Variants in TMBIM1 observed in about 807,000 individuals in gnomAD.
TMBIM1 encodes transmembrane BAX inhibitor motif containing 1, also known as protein lifeguard 3.
Under a neutral mutation model 45.1 loss-of-function variants are expected in TMBIM1, and 34 were observed. The observed-to-expected ratio is 0.75, with a 90% confidence interval of 0.57 to 1.00. The LOEUF is 1.00. TMBIM1 is among the 50% of genes least tolerant of loss of function. The pLI, the probability that TMBIM1 is intolerant of heterozygous loss-of-function variation, is 0.00. For missense variants in TMBIM1, 374 were observed against 402.4 expected, an observed-to-expected ratio of 0.93 and a Z score of 0.60; for synonymous variants, 157 against 153.5, an observed-to-expected ratio of 1.02 and a Z score of -0.17.
intron 1 of TMBIM1, among the ~76,000 whole-genome samples, chr2:218,288,483 G>A (rs1692705379): frequency 6.6e-6 from 1 of 152,166 alleles, no homozygotes; most frequent in African/African-American, 2.4e-5. Context: ...TAGAGTAGTT[G>A]AACCACTTCC....
At chr2:218,276,004 C>T (rs1483693902) in intron 11 of TMBIM1, 22 bp downstream of exon 11, 1 of 1,607,100 alleles carries the variant, frequency 6.2e-7, no homozygotes. Context: ...GCTCCCCTTC[C>T]TAGAGTGGGG....
intron 1 of TMBIM1, chr2:218,286,933 G>A (rs758146150): frequency 2.0e-5 from 3 of 152,190 alleles, no homozygotes; most frequent in African/African-American, 4.8e-5. Context: ...CAGATCTGAC[G>A]ATTTGTTCCC....
chr2:218,286,568 C>T (rs1216793946), intron 1 of TMBIM1: 1 of 152,258 alleles, frequency 6.6e-6, no homozygotes, highest in Non-Finnish European at 1.5e-5. Flanking sequence ...AGTGGGTGAG[C>T]TCAGACAGCA....
At chr2:218,275,686 A>G (rs1440127025) in intron 11 of TMBIM1, 65 bp from the exon 12 acceptor site, 5 of 1,564,030 alleles carry the variant, frequency 3.2e-6, no homozygotes, top group Non-Finnish European at 4.3e-6. Flanking sequence ...ATTTTTGGTC[A>G]GCAGATTTGT....
chr2:218,292,263 C>A (rs1375372225), intron 1 of TMBIM1, among the ~76,000 whole-genome samples: 1 of 152,238 alleles, frequency 6.6e-6, no homozygotes, highest in African/African-American at 2.4e-5. Flanking sequence ...CCCGGCCGCC[C>A]ACCCGCGCGC....
In TMBIM1 at chr2:218,279,121, A is replaced by T. The variant is rs199611204; in HGVS notation, c.369-30T>A. 106 of 1,613,434 alleles carry T rather than the reference A, an allele frequency of 6.6e-5. No individual in the cohort carries two copies. The African/African-American group carries it at 1.2e-3, about 18-fold the overall frequency. On this transcript the variant is annotated intron_variant, in intron 4 of 11. Coordinates refer to ENST00000258412, the MANE Select transcript of TMBIM1 (RefSeq NM_022152.6). Reference sequence around the variant, plus strand: ...GGGGCACAGGAGGACAGGAGTAGTCACCCTGAGGCTTGTCTGCCCCACCCA... The same window carrying T: ...GGGGCACAGGAGGACAGGAGTAGTCTCCCTGAGGCTTGTCTGCCCCACCCA...
At chr2:218,281,004 G>A (rs1018866847) in intron 2 of TMBIM1, 1 of 150,688 alleles carries the variant, frequency 6.6e-6, no homozygotes, top group East Asian at 1.9e-4. Flanking sequence ...GTAGAGACAG[G>A]GTTTCACCAT....
At chr2:218,277,701 A>C in intron 7 of TMBIM1, 31 bp from the exon 8 acceptor site, 1 of 1,613,892 alleles carries the variant, frequency 6.2e-7, no homozygotes, top group Non-Finnish European at 8.5e-7. Flanking sequence ...AGAATGAAAC[A>C]CTTAAAAAGG....
At chr2:218,276,145 G>T (rs1203901682) in intron 10 of TMBIM1, 66 bp from the exon 11 acceptor site, 4 of 1,553,216 alleles carry the variant, frequency 2.6e-6, no homozygotes, top group Non-Finnish European at 3.5e-6. Flanking sequence ...ACAGGCCCCA[G>T]CTTCCCCCGG....
chr2:218,274,313 TC>T lies in TMBIM1; in HGVS notation c.*1161del, dbSNP rs1690999339. The T allele has an allele frequency of 6.4e-6, 1 of 155,086 alleles. No individual in the cohort carries two copies. The highest frequency in any genetic ancestry group is 5.2e-4 in the Middle Eastern group (1 of 1,926). 9.6% of individuals were successfully genotyped at this position (155,086 alleles called of 1,614,324 possible). A position where few individuals can be genotyped will look rare whatever the true frequency, so the allele number is the denominator to read the frequency against. ...ACTATATCCTTGGGCTGATTTGATTTCTGCCCCCACCCGACAGACTGACCCT... is the reference window on the plus strand; with the variant it reads ...ACTATATCCTTGGGCTGATTTGATTTTGCCCCCACCCGACAGACTGACCCT... On this transcript the variant is annotated 3_prime_UTR_variant, in exon 12 of 12. Transcript: ENST00000258412.
At position 218,277,352 on chromosome 2, in the gene TMBIM1, C is replaced by G. The variant is rs1691326822; in HGVS notation, c.639+14G>C. The G allele has an allele frequency of 6.2e-7, 1 of 1,611,612 alleles. No individual in the cohort carries two copies. Among genetic ancestry groups the G allele is most frequent in the South Asian group, 1.1e-5 (1 of 91,052 alleles). ...GGAGTCGGGGGGCCAGGGAAGGGCC[C>G]TCCATGCCCTCACCTTGGTCTGAAA... On this transcript the variant is annotated intron_variant, in intron 9 of 11. Transcript: ENST00000258412.
intron 2 of TMBIM1, chr2:218,280,549 CAG>C: frequency 4.1e-6 from 1 of 241,732 alleles, no homozygotes; most frequent in Non-Finnish European, 8.3e-6. Flanking sequence ...GAGGTGAAGA[CAG>C]GGATCTGCAT....
In TMBIM1 at chr2:218,282,747, G is replaced by A. The variant is rs371398209; in HGVS notation, c.-40-566C>T. Among the ~76,000 whole-genome samples the A allele has an allele frequency of 2.0e-4, 30 of 152,322 alleles. No homozygotes were observed. The East Asian group carries it at 3.1e-3, about 16-fold the overall frequency. ...CCCAGTGCCAGAGCTGCCAGGCCCC[G>A]AGGAGGAAGGGATCCAGGGACCCGG... On this transcript the variant is annotated intron_variant, in intron 1 of 11. Transcript: ENST00000258412.
chr2:218,277,951 A>G lies in TMBIM1; in HGVS notation c.497T>C (p.Ile166Thr). The G allele has an allele frequency of 6.2e-7, 1 of 1,614,224 alleles. No homozygotes were observed. The highest frequency in any genetic ancestry group is 1.1e-5 in the South Asian group (1 of 91,074). Residue 166 changes from isoleucine to threonine, a missense_variant, in exon 7 of 12, where the codon ATT becomes ACT. Ile to Thr is a moderately conservative substitution (Grantham distance 89). Coordinates refer to ENST00000258412, the MANE Select transcript of TMBIM1 (RefSeq NM_022152.6). ...TAGACTTACAAAAAGGGTCAGCAGA[A>G]TGATGTTCCATGGGAAACGGCGTCT... is the stretch of plus-strand genomic sequence containing the variant. ...GPRRRFPWNI[I>T]LLTLFTFAMG...
Position 218,279,346 on chromosome 2 carries a change from G to T in TMBIM1, c.311C>A (p.Ser104Tyr). 6.3e-7 allele frequency: 1 copy of T among 1,578,990 alleles called. No homozygotes were observed. Among genetic ancestry groups the T allele is most frequent in the Non-Finnish European group, 8.6e-7 (1 of 1,163,062 alleles). Reference protein sequence around the residue: ...VRHTFIRKVYSIISVQLLITV... With the variant: ...VRHTFIRKVYYIISVQLLITV... ...GATGAGCAGCTGCACGGAGATGATG[G>T]AGTAAACCTGGACACAGACGGCCGG... is the stretch of plus-strand genomic sequence containing the variant. The change falls in exon 4 of 12, where the codon TCC becomes TAC. Residue 104 changes from serine to tyrosine, a missense_variant. Physicochemically the swap from Ser to Tyr is moderately radical, Grantham distance 144. Transcript: ENST00000258412.
chr2:218,277,398 T>C lies in TMBIM1; in HGVS notation c.607A>G (p.Ile203Val). The C allele has an allele frequency of 1.9e-6, 3 of 1,614,084 alleles. 1 individual carries two copies. The highest frequency in any genetic ancestry group is 2.2e-5 in the South Asian group (2 of 91,086). Residue 203 changes from isoleucine (I) to valine (V), a missense_variant, in exon 9 of 12, where the codon ATT becomes GTT. Physicochemically the swap from Ile to Val is conservative, Grantham distance 29. Transcript: ENST00000258412. ...TGAAAGCAGAAGATGGTGACTGAAA[T>C]GGATACCACCGCAGTGATGATCATT... ...IAMIITAVVS[I>V]SVTIFCFQTK...
rs1243600286 is a variant in TMBIM1, at chr2:218,275,345, A to G, written c.*130T>C. On this transcript the variant is annotated 3_prime_UTR_variant, in exon 12 of 12. Transcript: ENST00000258412. The stretch of plus-strand genomic sequence containing the variant: ...GCCAGAGAGGCCACCTGTCTCCAGG[A>G]CAGAAAGGAAACTGGGCATGTTACT... 3.8e-6 allele frequency: 5 copies of G among 1,300,928 alleles called. No homozygotes were observed. The highest frequency in any genetic ancestry group is 5.2e-6 in the Non-Finnish European group (5 of 967,470). The allele number at this position is 1,300,928 out of a possible 1,614,324, so 80.6% of individuals were successfully genotyped here.
chr2:218,281,133 T>TG (rs1232703146), intron 2 of TMBIM1: 2 of 129,406 alleles, frequency 1.5e-5, no homozygotes, highest in African/African-American at 5.2e-5. Flanking sequence ...TTTTTTGTTT[T>TG]TTTTTTGGTT....
At chr2:218,279,149 C>A in intron 4 of TMBIM1, 58 bp from the exon 5 acceptor site, 1 of 1,607,562 alleles carries the variant, frequency 6.2e-7, no homozygotes, top group Non-Finnish European at 8.5e-7. Context: ...CCCACCCAGG[C>A]CAGCCAGGCA....
Sources: allele counts gnomAD v4.1 joint callset (sites outside exome capture counted in the v4.1 genomes callset), GRCh38; gene constraint gnomAD v4.1.1; transcripts MANE v1.5; gene names NCBI Gene and HGNC (gene_info 2026-07-23, HGNC 2026-07-21).